ATP1A1: variants seen among roughly 807,000 people sequenced by gnomAD.
The protein encoded by ATP1A1 is ATPase Na+/K+ transporting subunit alpha 1.
ATP1A1 carries 14 observed loss-of-function variants against 114.8 expected under a neutral mutation model. The ratio of observed to expected loss-of-function variants is 0.12; its 90% confidence interval spans 0.08 to 0.19. The LOEUF is 0.19. Among genes scored for constraint, ATP1A1 ranks in the 10% least tolerant of loss-of-function variants. ATP1A1 has a pLI of 1.00. For missense variants in ATP1A1, 524 were observed against 1,290.7 expected (o/e 0.41, Z 9.10); for synonymous variants, 471 against 466.3 (o/e 1.01, Z -0.13).
rs1442603832 is a variant in ATP1A1 at position 116,390,290 on chromosome 1, G to A, written c.1101G>A (p.Leu367=). 6.2e-7 allele frequency: 1 copy of A among 1,613,982 alleles called. No individual in the cohort carries two copies. The highest frequency in any genetic ancestry group is 1.3e-5 in the African/African-American group (1 of 74,906). ...LVKNLEAVET[L]GSTSTICSDK... ...AGAACTTAGAAGCTGTGGAGACCTT[G>A]GGGTCCACGTCCACCATCTGCTCTG... The change falls in exon 9 of 23, where the codon TTG becomes TTA. Residue 367 remains leucine (L), a synonymous_variant. Transcript: ENST00000295598.
In ATP1A1 at chr1:116,377,770, G is replaced by A. The variant is rs1025643407; in HGVS notation, c.12+4247G>A. On this transcript the variant is annotated intron_variant, in intron 1 of 22. Coordinates refer to ENST00000295598, the MANE Select transcript of ATP1A1 (RefSeq NM_000701.8). ...AAGAAACCCGAGTGTCAGATCAGAT[G>A]GGCTCACAGTAATCAGAGTGGCTGG... Among the ~76,000 whole-genome samples the A allele has an allele frequency of 8.5e-5, 13 of 152,196 alleles. 1 individual carries two copies. The highest frequency in any genetic ancestry group is 2.9e-4 in the African/African-American group (12 of 41,440).
Position 116,388,339 on chromosome 1 carries a change from A to G in ATP1A1, c.501+95A>G. 1 of 1,131,670 alleles carries G rather than the reference A, an allele frequency of 8.8e-7. No individual in the cohort carries two copies. The highest frequency in any genetic ancestry group is 1.3e-6 in the Non-Finnish European group (1 of 767,830). 70.1% of individuals were successfully genotyped at this position (1,131,670 alleles called of 1,614,324 possible). ...GTGAAGTTAAGGTTTTCCAAGTATT[A>G]CATGACTCATCAGAGAGATGGATGT... On this transcript the variant is annotated intron_variant, in intron 5 of 22. Transcript: ENST00000295598. This position sits in a 1 kb window ranked among gnomAD's most constrained non-coding sequence, Gnocchi z 5.6.
chr1:116,403,564 T>C (rs1653713030), intron 21 of ATP1A1, among the ~76,000 whole-genome samples: 1 of 152,228 alleles, frequency 6.6e-6, no homozygotes. Context: ...GTTCAGTTGC[T>C]CTGGGATGGT....
Position 116,393,134 on chromosome 1 carries a change from A to G in ATP1A1, c.1467+146A>G. 8.5e-7 allele frequency: 1 copy of G among 1,174,108 alleles called. No individual in the cohort carries two copies. The highest frequency in any genetic ancestry group is 1.2e-6 in the Non-Finnish European group (1 of 849,520). 72.7% of individuals were successfully genotyped at this position (1,174,108 alleles called of 1,614,324 possible). Reference sequence around the variant, plus strand: ...TTGCCCTTGATTACCATAGAATGCCATAATTTAGTTGAATATCAGCAGGAT... The same window carrying G: ...TTGCCCTTGATTACCATAGAATGCCGTAATTTAGTTGAATATCAGCAGGAT... On this transcript the variant is annotated intron_variant, in intron 11 of 22. Coordinates refer to ENST00000295598, the MANE Select transcript of ATP1A1 (RefSeq NM_000701.8). The surrounding 1 kb of genome is among the most constrained non-coding windows in gnomAD (Gnocchi z 5.0).
At chr1:116,403,215 G>A (rs1008062048) in intron 21 of ATP1A1, among the ~76,000 whole-genome samples, 1 of 152,150 alleles carries the variant, frequency 6.6e-6, no homozygotes, top group Non-Finnish European at 1.5e-5. Flanking sequence ...AGGAAGAAGA[G>A]GAGACCACCG....
At chr1:116,383,685 G>T in intron 1 of ATP1A1, 1 of 224,030 alleles carries the variant, frequency 4.5e-6, no homozygotes, top group Non-Finnish European at 8.9e-6. Context: ...ATGGAAGGCT[G>T]CAGAATAGGG....
rs200046518 is a variant in ATP1A1 at position 116,387,401 on chromosome 1, G to A, written c.297G>A (p.Gly99=). 2.0e-5 allele frequency: 33 copies of A among 1,614,190 alleles called. No individual in the cohort carries two copies. In the East Asian group the frequency reaches 6.0e-4, roughly 29 times the overall value. ...WIKFCRQLFG[G]FSMLLWIGAI... The stretch of plus-strand genomic sequence containing the variant: ...AGTTTTGTCGGCAGCTCTTTGGGGG[G>A]TTCTCAATGTTACTGTGGATTGGAG... The change falls in exon 4 of 23, where the codon GGG becomes GGA. Residue 99 remains glycine, a synonymous_variant. Transcript: ENST00000295598. This position sits in a 1 kb window ranked among gnomAD's most constrained non-coding sequence, Gnocchi z 6.7.
chr1:116,388,378 CA>C lies in ATP1A1; in HGVS notation c.501+138del. ...AGAGATGGATGTCTTCTACCCCACC[CA>C]AAACCAACCTATTTTCCTTCTATCC... On this transcript the variant is annotated intron_variant, in intron 5 of 22. Transcript: ENST00000295598. The surrounding 1 kb of genome is among the most constrained non-coding windows in gnomAD (Gnocchi z 5.6). 1 of 975,722 alleles carries C rather than the reference CA, an allele frequency of 1.0e-6. No homozygotes were observed. The highest frequency in any genetic ancestry group is 1.5e-6 in the Non-Finnish European group (1 of 659,178). 60.4% of individuals were successfully genotyped at this position (975,722 alleles called of 1,614,324 possible).
chr1:116,401,739 T>C lies in ATP1A1; in HGVS notation c.2951+84T>C, dbSNP rs904447582. On this transcript the variant is annotated intron_variant, in intron 21 of 22. Coordinates refer to ENST00000295598, the MANE Select transcript of ATP1A1 (RefSeq NM_000701.8). The surrounding 1 kb of genome is among the most constrained non-coding windows in gnomAD (Gnocchi z 4.7). ...CCATTACTTGTGGTAATAGTTGTTA[T>C]TTTCAGAATTTTGAGTGGTATGTAC... 3.0e-5 allele frequency: 42 copies of C among 1,393,452 alleles called. No homozygotes were observed. The highest frequency in any genetic ancestry group is 1.1e-4 in the Admixed American group (6 of 52,290). The allele number at this position is 1,393,452 out of a possible 1,614,324, so 86.3% of individuals were successfully genotyped here.
At chr1:116,400,485 A>G (rs1653360147) in intron 18 of ATP1A1, among the ~76,000 whole-genome samples, 1 of 152,180 alleles carries the variant, frequency 6.6e-6, no homozygotes, top group Non-Finnish European at 1.5e-5. Flanking sequence ...GGAATTTTGA[A>G]AGATGGAAAA....
chr1:116,393,759 C>T lies in ATP1A1; in HGVS notation c.1660+36C>T, dbSNP rs770081602. On this transcript the variant is annotated intron_variant, in intron 12 of 22. Transcript: ENST00000295598. The surrounding 1 kb of genome is among the most constrained non-coding windows in gnomAD (Gnocchi z 5.0). ...AACCTGGTAACAGAGTGCCTGGGCA[C>T]GTTTTTATCCAGTAACCTAGTCTGG... is the stretch of plus-strand genomic sequence containing the variant. 7.9e-5 allele frequency: 126 copies of T among 1,586,178 alleles called. 1 individual carries two copies. In the East Asian group the frequency reaches 1.4e-3, roughly 18 times the overall value.
Position 116,398,556 on chromosome 1 carries a change from A to G in ATP1A1, c.2125-65A>G, listed in dbSNP as rs543060315. On this transcript the variant is annotated intron_variant, in intron 15 of 22. Coordinates refer to ENST00000295598, the MANE Select transcript of ATP1A1 (RefSeq NM_000701.8). This position sits in a 1 kb window ranked among gnomAD's most constrained non-coding sequence, Gnocchi z 6.1. ...TAATGAGTGCTCAGTGGGGGCATGC[A>G]TCGCACTATTTCCATCGCTAGGAAA... is the stretch of plus-strand genomic sequence containing the variant. 25 of 1,557,126 alleles carry G rather than the reference A, an allele frequency of 1.6e-5. No individual in the cohort carries two copies. The East Asian group carries it at 2.9e-4, about 18-fold the overall frequency.
At chr1:116,382,149 G>A (rs1651788122) in intron 1 of ATP1A1, among the ~76,000 whole-genome samples, 1 of 152,130 alleles carries the variant, frequency 6.6e-6, no homozygotes, top group Admixed American at 6.5e-5. Context: ...CTCCAGCCTG[G>A]GCGACAGAGT....
rs1255306098 is a variant in ATP1A1, at chr1:116,385,433, T to G, written c.183+591T>G. On this transcript the variant is annotated intron_variant, in intron 3 of 22. Coordinates refer to ENST00000295598, the MANE Select transcript of ATP1A1 (RefSeq NM_000701.8). The surrounding 1 kb of genome is among the most constrained non-coding windows in gnomAD (Gnocchi z 4.3). The stretch of plus-strand genomic sequence containing the variant: ...TAAAAGTAAATAGTCTAGGGATGTC[T>G]TATTTCCAGATAATCACTGAAATGT... 6.5e-6 allele frequency: 1 copy of G among 153,064 alleles called. No homozygotes were observed. The highest frequency in any genetic ancestry group is 1.5e-5 in the Non-Finnish European group (1 of 68,710). 9.5% of individuals were successfully genotyped at this position (153,064 alleles called of 1,614,324 possible).
chr1:116,391,721 T>C (rs1340368730), intron 10 of ATP1A1, among the ~76,000 whole-genome samples: 1 of 152,198 alleles, frequency 6.6e-6, no homozygotes, highest in Non-Finnish European at 1.5e-5. Context: ...GATTTGAGGA[T>C]AATGTTGTGT....
rs758187423 is a variant in ATP1A1, at chr1:116,373,505, C to T, written c.-7C>T. On this transcript the variant is annotated 5_prime_UTR_variant, in exon 1 of 23. Transcript: ENST00000295598. ...GGACCCGGCGCCGGGCACTGAGCAC[C>T]GCCACCATGGGGAAGGGGGTGAGTG... 55 of 1,506,090 alleles carry T rather than the reference C, an allele frequency of 3.7e-5. No homozygotes were observed. Among genetic ancestry groups the T allele is most frequent in the Non-Finnish European group, 4.8e-5 (54 of 1,128,198 alleles). The allele number at this position is 1,506,090 out of a possible 1,614,324, so 93.3% of individuals were successfully genotyped here.
At position 116,383,254 on chromosome 1, in the gene ATP1A1, C is replaced by T. The variant is rs1054590183; in HGVS notation, c.13-760C>T. On this transcript the variant is annotated intron_variant, in intron 1 of 22. Coordinates refer to ENST00000295598, the MANE Select transcript of ATP1A1 (RefSeq NM_000701.8). ...TTTTCAGGCTACAGAATGGGCTGGG[C>T]GCTCCCTTTTTTATCTCTTATGCAA... 7.3e-5 allele frequency: 40 copies of T among 544,410 alleles called. 1 individual carries two copies. Among genetic ancestry groups the T allele is most frequent in the Admixed American group, 6.3e-4 (10 of 15,902 alleles). The allele number at this position is 544,410 out of a possible 1,614,324, so 33.7% of individuals were successfully genotyped here. A position where few individuals can be genotyped will look rare whatever the true frequency, so the allele number is the denominator to read the frequency against.
rs780782876 is a variant in ATP1A1 at position 116,381,942 on chromosome 1, C to T, written c.13-2072C>T. On this transcript the variant is annotated intron_variant, in intron 1 of 22. Transcript: ENST00000295598. This position sits in a 1 kb window ranked among gnomAD's most constrained non-coding sequence, Gnocchi z 5.1. ...CTGTAATCCCAGCACTTTGGGAGGC[C>T]GAGGTGGGTGGATCATGAGGTAAGG... is the stretch of plus-strand genomic sequence containing the variant. Among the ~76,000 whole-genome samples the T allele has an allele frequency of 1.7e-4, 26 of 152,184 alleles. No homozygotes were observed. Among genetic ancestry groups the T allele is most frequent in the African/African-American group, 2.4e-4 (10 of 41,524 alleles).
chr1:116,399,717 A>C lies in ATP1A1; in HGVS notation c.2572+174A>C, dbSNP rs554987249. 6.6e-6 allele frequency among the ~76,000 whole-genome samples: 1 copy of C among 152,332 alleles called. No individual in the cohort carries two copies. The highest frequency in any genetic ancestry group is 1.9e-4 in the East Asian group (1 of 5,192). Reference sequence around the variant, plus strand: ...TCTCTGAACTCTCTTCCATGTGAGAATACATCTGTTGCTGTTTGCCCAGTT... The same window carrying C: ...TCTCTGAACTCTCTTCCATGTGAGACTACATCTGTTGCTGTTTGCCCAGTT... On this transcript the variant is annotated intron_variant, in intron 18 of 22. Coordinates refer to ENST00000295598, the MANE Select transcript of ATP1A1 (RefSeq NM_000701.8). This position sits in a 1 kb window ranked among gnomAD's most constrained non-coding sequence, Gnocchi z 5.0.
Sources: gnomAD v4.1 joint callset for allele counts (sites outside exome capture counted in the v4.1 genomes callset) on GRCh38, gnomAD v4.1.1 for gene constraint, Gnocchi (gnomAD v3.1) non-coding constraint, MANE v1.5 for transcripts, NCBI Gene and HGNC (gene_info 2026-07-23, HGNC 2026-07-21) for gene names.